TENM3: variants seen among roughly 807,000 people sequenced by gnomAD.
TENM3 encodes teneurin-3.
A neutral mutation model predicts 255.1 loss-of-function variants in TENM3; 63 were observed. The ratio of observed to expected loss-of-function variants is 0.25; its 90% CI spans 0.20 to 0.30. TENM3 has a LOEUF of 0.30. Ranked by LOEUF, TENM3 falls within the 10% of genes least tolerant of loss-of-function variation. The pLI is 1.00. For synonymous variants in TENM3, 1,306 were observed against 1,322.3 expected (o/e 0.99, Z 0.27); for missense variants, 2,929 against 3,461.1 (o/e 0.85, Z 3.86).
chr4:182,461,716 T>C (rs1238603266), intron 3 of TENM3, among the ~76,000 whole-genome samples: 1 of 152,216 alleles, frequency 6.6e-6, no homozygotes, highest in South Asian at 2.1e-4. Context: ...CAAAGTAAAC[T>C]TCACAAAGGC....
chr4:182,049,654 C>T, the TENM3 span, among the ~76,000 whole-genome samples: 1 of 152,170 alleles, frequency 6.6e-6, no homozygotes, highest in Non-Finnish European at 1.5e-5. Context: ...ATTTCAAAAT[C>T]AAGGGAAAGT....
At chr4:181,678,275 T>C in the TENM3 span, among the ~76,000 whole-genome samples, 3 of 152,128 alleles carry the variant, frequency 2.0e-5, no homozygotes, top group South Asian at 6.2e-4. Context: ...AAGAAGGGGT[T>C]TGTGGGAAGA....
At chr4:181,466,084 T>C in the TENM3 span, among the ~76,000 whole-genome samples, 3 of 151,470 alleles carry the variant, frequency 2.0e-5, no homozygotes, top group Non-Finnish European at 4.4e-5. Context: ...ATAATGCCTA[T>C]GTGGAAGGAG....
At chr4:181,560,922 G>A in the TENM3 span, among the ~76,000 whole-genome samples, 4 of 152,146 alleles carry the variant, frequency 2.6e-5, no homozygotes, top group African/African-American at 9.7e-5. Flanking sequence ...GAGGAAGGCT[G>A]TGACTTCCCA....
At position 182,314,564 on chromosome 4, in the gene TENM3, T is replaced by G. The variant is rs181568846; in HGVS notation, c.-75-9382T>G. ...ATCCAGTGTGACAATCTCTGCCTTTTAATTGGTGTGTGTAAATTATTTATG... is the reference window on the plus strand; with the variant it reads ...ATCCAGTGTGACAATCTCTGCCTTTGAATTGGTGTGTGTAAATTATTTATG... On this transcript the variant is annotated intron_variant, in intron 1 of 27. Coordinates refer to ENST00000511685, the MANE Select transcript of TENM3 (RefSeq NM_001080477.4). Among the ~76,000 whole-genome samples, 25 of 152,386 alleles carry G rather than the reference T, an allele frequency of 1.6e-4. No homozygotes were observed. The East Asian group carries it at 4.6e-3, about 28-fold the overall frequency.
chr4:182,122,948 G>A, the TENM3 span, among the ~76,000 whole-genome samples: 31 of 152,286 alleles, frequency 2.0e-4, no homozygotes, highest in South Asian at 8.3e-4. Context: ...CAGCTTCTCC[G>A]TCAGCACTTG....
chr4:181,945,972 A>G, the TENM3 span, among the ~76,000 whole-genome samples: 1 of 152,100 alleles, frequency 6.6e-6, no homozygotes, highest in African/African-American at 2.4e-5. Flanking sequence ...TAAACTTTAC[A>G]TATACAAATA....
the TENM3 span, among the ~76,000 whole-genome samples, chr4:181,454,984 G>A: frequency 6.6e-6 from 1 of 152,054 alleles, no homozygotes; most frequent in Non-Finnish European, 1.5e-5. Context: ...ATACATGACT[G>A]TATGCCAGCC....
chr4:182,783,208 C>A (rs1765328557), intron 24 of TENM3, among the ~76,000 whole-genome samples: 1 of 152,146 alleles, frequency 6.6e-6, no homozygotes, highest in South Asian at 2.1e-4. Flanking sequence ...TGTTCCTTTC[C>A]ATGTTTAGTG....
the TENM3 span, among the ~76,000 whole-genome samples, chr4:181,681,996 A>C: frequency 2.6e-5 from 4 of 152,136 alleles, no homozygotes; most frequent in Non-Finnish European, 4.4e-5. Context: ...AATGTCATAC[A>C]TGAAAGTTCA....
intron 3 of TENM3, among the ~76,000 whole-genome samples, chr4:182,407,936 A>T (rs1189564449): frequency 6.6e-6 from 1 of 152,254 alleles, no homozygotes; most frequent in Non-Finnish European, 1.5e-5. Flanking sequence ...TGATTTGCAC[A>T]TAATTATATA....
Position 182,633,952 on chromosome 4 carries a change from C to G in TENM3, c.988+5063C>G, listed in dbSNP as rs929364889. On this transcript the variant is annotated intron_variant, in intron 5 of 27. Coordinates refer to ENST00000511685, the MANE Select transcript of TENM3 (RefSeq NM_001080477.4). ...TCCAGAGTTGTGCTTTCCAAGCATT[C>G]CTGTGCCTAGGAATCGCCTGGGGAC... Among the ~76,000 whole-genome samples the G allele has an allele frequency of 5.3e-5, 8 of 152,158 alleles. 1 individual carries two copies. The highest frequency in any genetic ancestry group is 5.2e-4 in the Admixed American group (8 of 15,268).
intron 3 of TENM3, among the ~76,000 whole-genome samples, chr4:182,510,854 G>A (rs371827015): frequency 5.3e-5 from 8 of 152,114 alleles, no homozygotes; most frequent in African/African-American, 7.2e-5. Flanking sequence ...GGATCTGAGC[G>A]CATCCTGCAC....
chr4:182,245,905 GAA>G (rs1337801335), intron 1 of TENM3, among the ~76,000 whole-genome samples: 4 of 152,182 alleles, frequency 2.6e-5, no homozygotes, highest in African/African-American at 9.7e-5. Context: ...GGAATTTAGG[GAA>G]AGCTGTTTCT....
rs115867271 is a variant in TENM3, at chr4:182,676,920, C to T, written c.1327-2746C>T. Among the ~76,000 whole-genome samples, 19 of 152,222 alleles carry T rather than the reference C, an allele frequency of 1.2e-4. No individual in the cohort carries two copies. In the East Asian group the frequency reaches 2.3e-3, roughly 19 times the overall value. On this transcript the variant is annotated intron_variant, in intron 7 of 27. Coordinates refer to ENST00000511685, the MANE Select transcript of TENM3 (RefSeq NM_001080477.4). ...ATAAGCTTTGTCTCACGATGGCTCCCGCGGACTAGTGCAATTGAAGAGTTA... is the reference window on the plus strand; with the variant it reads ...ATAAGCTTTGTCTCACGATGGCTCCTGCGGACTAGTGCAATTGAAGAGTTA...
chr4:181,767,061 G>T, the TENM3 span, among the ~76,000 whole-genome samples: 72 of 133,560 alleles, frequency 5.4e-4, no homozygotes, highest in African/African-American at 1.9e-3. Flanking sequence ...GACCATTCTG[G>T]CTAACAAGGG....
At chr4:182,205,130 T>A (rs116628677) in intron 1 of TENM3, among the ~76,000 whole-genome samples, 1 of 152,334 alleles carries the variant, frequency 6.6e-6, no homozygotes, top group African/African-American at 2.4e-5. Context: ...TAATTCCTCC[T>A]TCGGCATCTG....
rs565885570 is a variant in TENM3, at chr4:182,580,552, T to C, written c.512-20372T>C. Among the ~76,000 whole-genome samples the C allele has an allele frequency of 1.0e-3, 154 of 152,286 alleles. 2 individuals carry two copies. In the South Asian group the frequency reaches 0.016, roughly 15 times the overall value. The stretch of plus-strand genomic sequence containing the variant: ...TGACCATTTCACTGTGAGTGTAACT[T>C]CCCTTTTTGACAGCTCCATTAGATC... On this transcript the variant is annotated intron_variant, in intron 3 of 27. Coordinates refer to ENST00000511685, the MANE Select transcript of TENM3 (RefSeq NM_001080477.4).
In TENM3 at chr4:182,762,210, G is replaced by C. The variant is rs187987185; in HGVS notation, c.4892+6951G>C. 2.0e-5 allele frequency among the ~76,000 whole-genome samples: 3 copies of C among 152,326 alleles called. No individual in the cohort carries two copies. The East Asian group carries it at 5.8e-4, about 29-fold the overall frequency. ...TTGCAAGGTTGAATTAACTCTTTCA[G>C]GGTGTTCCATTTGGCAAGTCAATAT... is the stretch of plus-strand genomic sequence containing the variant. On this transcript the variant is annotated intron_variant, in intron 22 of 27. Coordinates refer to ENST00000511685, the MANE Select transcript of TENM3 (RefSeq NM_001080477.4).
Sources: gnomAD v4.1 joint callset for allele counts (sites outside exome capture counted in the v4.1 genomes callset) on GRCh38, gnomAD v4.1.1 for gene constraint, MANE v1.5 for transcripts, NCBI Gene and HGNC (gene_info 2026-07-23, HGNC 2026-07-21) for gene names.